The following NVL variants were observed in gnomAD, a reference collection of about 807,000 sequenced individuals.
NVL encodes nuclear VCP like, also known as nuclear valosin-containing protein-like.
In NVL, 84 loss-of-function variants were observed where a neutral mutation model predicts 110.2. That is an observed-to-expected ratio of 0.76 (90% CI 0.64 to 0.91). The LOEUF (loss-of-function observed/expected upper bound fraction) is 0.91, where lower values mean the gene tolerates loss of function less well. NVL is among the 40% of genes least tolerant of loss of function. The pLI is 0.00. For synonymous variants in NVL, 354 were observed against 361.1 expected (o/e 0.98, Z 0.22); for missense variants, 882 against 1,035.9 (o/e 0.85, Z 2.04).
intron 17 of NVL, among the ~76,000 whole-genome samples, chr1:224,272,703 C>T (rs908320213): frequency 1.3e-5 from 2 of 151,568 alleles, no homozygotes; most frequent in Non-Finnish European, 2.9e-5. Context: ...GGTGACAGAG[C>T]AAGACTCTGT....
chr1:224,285,427 T>C (rs1039733385), intron 15 of NVL, among the ~76,000 whole-genome samples: 16 of 152,064 alleles, frequency 1.1e-4, no homozygotes, highest in African/African-American at 3.9e-4. Context: ...AGAATGAGAC[T>C]CCGTCTCAAA....
chr1:224,275,221 C>T, intron 17 of NVL, 118 bp downstream of exon 17: 1 of 1,133,562 alleles, frequency 8.8e-7, no homozygotes, highest in Middle Eastern at 2.3e-4. Flanking sequence ...TACTAAGTGT[C>T]TTCATTAAGA....
intron 4 of NVL, chr1:224,313,033 C>A: frequency 2.7e-6 from 1 of 366,514 alleles, no homozygotes; most frequent in Non-Finnish European, 5.7e-6. Context: ...CTGGCACACA[C>A]CTGTAATCCC....
At chr1:224,281,280 T>TGTGA in intron 15 of NVL, 95 bp from the exon 16 acceptor site, 4 of 772,228 alleles carry the variant, frequency 5.2e-6, no homozygotes, top group Non-Finnish European at 4.1e-6. Context: ...AAGGACTCTG[T>TGTGA]GTGCGTGTGT....
intron 17 of NVL, among the ~76,000 whole-genome samples, chr1:224,273,702 GAATAA>G (rs1665433977): frequency 6.6e-6 from 1 of 152,082 alleles, no homozygotes; most frequent in Non-Finnish European, 1.5e-5. Flanking sequence ...AAAAGGAAAG[GAATAA>G]AATCCAGAGC....
chr1:224,290,278 G>C (rs1449863296), intron 12 of NVL, among the ~76,000 whole-genome samples: 1 of 152,050 alleles, frequency 6.6e-6, no homozygotes, highest in African/African-American at 2.4e-5. Flanking sequence ...ATAAACATCT[G>C]GACTTCTAGA....
In NVL at chr1:224,305,338, TCTC is replaced by T. The variant is rs1480299177; in HGVS notation, c.616-175_616-173del. On this transcript the variant is annotated intron_variant, in intron 6 of 22. Transcript: ENST00000281701. ...AGATGCTGTCTATTGTGAAAGTCCT[TCTC>T]CTCATTCCCTTAAAGCTCAGTTTAA... 1.6e-5 allele frequency: 10 copies of T among 618,664 alleles called. No homozygotes were observed. In the Admixed American group the frequency reaches 3.2e-4, roughly 20 times the overall value. 38.3% of individuals were successfully genotyped at this position (618,664 alleles called of 1,614,324 possible).
intron 19 of NVL, among the ~76,000 whole-genome samples, chr1:224,248,374 A>G (rs934088415): frequency 2.6e-5 from 4 of 152,088 alleles, no homozygotes; most frequent in African/African-American, 9.7e-5. Context: ...GCTTAATTTC[A>G]TAACTTTTAC....
At chr1:224,239,675 A>G (rs560610536) in intron 19 of NVL, among the ~76,000 whole-genome samples, 1 of 152,252 alleles carries the variant, frequency 6.6e-6, no homozygotes, top group African/African-American at 2.4e-5. Context: ...CAATATCTAA[A>G]TTCTACCCTT....
At chr1:224,323,990 G>A (rs1415616140) in intron 2 of NVL, among the ~76,000 whole-genome samples, 1 of 152,130 alleles carries the variant, frequency 6.6e-6, no homozygotes. Flanking sequence ...CTAAACAATG[G>A]AGACACATTC....
At chr1:224,304,609 G>T in intron 8 of NVL, 127 bp downstream of exon 8, 1 of 755,092 alleles carries the variant, frequency 1.3e-6, no homozygotes, top group African/African-American at 1.7e-5. Context: ...GGTCAGGTTT[G>T]CCCTTCTCAA....
chr1:224,233,328 C>T lies in NVL; in HGVS notation c.2367-39G>A, dbSNP rs376778462. The T allele has an allele frequency of 2.2e-5, 33 of 1,487,834 alleles. 1 individual carries two copies. In the African/African-American group the frequency reaches 4.1e-4, roughly 19 times the overall value. The allele number at this position is 1,487,834 out of a possible 1,614,324, so 92.2% of individuals were successfully genotyped here. A position where few individuals can be genotyped will look rare whatever the true frequency, so the allele number is the denominator to read the frequency against. The stretch of plus-strand genomic sequence containing the variant: ...ATAGTTATCTACTTATTCTTAGATA[C>T]TGCAAAATCCCAGAAAAAAACCCGG... On this transcript the variant is annotated intron_variant, in intron 20 of 22. Coordinates refer to ENST00000281701, the MANE Select transcript of NVL (RefSeq NM_002533.4).
chr1:224,236,428 G>A, intron 20 of NVL, 78 bp downstream of exon 20: 4 of 1,062,612 alleles, frequency 3.8e-6, no homozygotes, highest in South Asian at 1.3e-5. Flanking sequence ...CTGCTGAGGT[G>A]AGCATCATCA....
intron 10 of NVL, among the ~76,000 whole-genome samples, chr1:224,300,100 C>A (rs925218726): frequency 1.3e-5 from 2 of 152,130 alleles, no homozygotes; most frequent in African/African-American, 4.8e-5. Context: ...CTCTCAATAG[C>A]CACGTGAGAT....
At chr1:224,265,040 C>A (rs933890548) in intron 18 of NVL, among the ~76,000 whole-genome samples, 1 of 152,034 alleles carries the variant, frequency 6.6e-6, no homozygotes, top group Non-Finnish European at 1.5e-5. Flanking sequence ...CCACCGTGCC[C>A]GGCCAGAACA....
In NVL at chr1:224,248,856, G is replaced by T. The variant is rs1470557222; in HGVS notation, c.2289+1356C>A. Among the ~76,000 whole-genome samples the T allele has an allele frequency of 3.3e-5, 5 of 152,208 alleles. No homozygotes were observed. The East Asian group carries it at 9.6e-4, about 29-fold the overall frequency. ...AATCAAGGGATTTCAGCAGATTCAG[G>T]AAGAACTGCCAAGGTATGCCACTTT... On this transcript the variant is annotated intron_variant, in intron 19 of 22. Transcript: ENST00000281701.
At chr1:224,251,936 T>C (rs1365505961) in intron 18 of NVL, among the ~76,000 whole-genome samples, 1 of 152,196 alleles carries the variant, frequency 6.6e-6, no homozygotes, top group Non-Finnish European at 1.5e-5. Context: ...CCGCTAGTGT[T>C]ATTGTCCTAA....
At chr1:224,280,399 A>G (rs1666210110) in intron 16 of NVL, among the ~76,000 whole-genome samples, 1 of 152,066 alleles carries the variant, frequency 6.6e-6, no homozygotes, top group South Asian at 2.1e-4. Context: ...TCTGGCTATA[A>G]CCTTCTTTTC....
chr1:224,330,129 G>C lies in NVL; in HGVS notation c.-2C>G. The C allele has an allele frequency of 6.2e-7, 1 of 1,613,938 alleles. No individual in the cohort carries two copies. Among genetic ancestry groups the C allele is most frequent in the Non-Finnish European group, 8.5e-7 (1 of 1,179,884 alleles). ...GAACCCTGCAGGTCTGGGCTTCATC[G>C]CGTCGGTCTTCCAAGCCACAGCTCG... On this transcript the variant is annotated 5_prime_UTR_variant, in exon 1 of 23. Transcript: ENST00000281701.
Sources: gnomAD v4.1 joint callset for allele counts (sites outside exome capture counted in the v4.1 genomes callset) on GRCh38, gnomAD v4.1.1 for gene constraint, MANE v1.5 for transcripts, NCBI Gene and HGNC (gene_info 2026-07-23, HGNC 2026-07-21) for gene names.